Variants in AUTS2 observed in about 807,000 individuals in gnomAD.
AUTS2 encodes the protein autism susceptibility gene 2 protein.
Under a neutral mutation model 112.4 loss-of-function variants are expected in AUTS2, and 17 were observed. That is an observed-to-expected ratio of 0.15 (90% confidence interval 0.10 to 0.23). The LOEUF is 0.23. Ranked by LOEUF, AUTS2 falls within the 10% of genes least tolerant of loss-of-function variation. AUTS2 has a pLI of 1.00. For synonymous variants in AUTS2, 751 were observed against 702.7 expected (o/e 1.07, Z -1.09); for missense variants, 1,510 against 1,701.6 (o/e 0.89, Z 1.98).
At chr7:70,658,486 A>C (rs1168787533) in intron 5 of AUTS2, among the ~76,000 whole-genome samples, 1 of 152,182 alleles carries the variant, frequency 6.6e-6, no homozygotes, top group African/African-American at 2.4e-5. Context: ...CCGCTTTGAA[A>C]CCAGAGCCAG....
intron 4 of AUTS2, among the ~76,000 whole-genome samples, chr7:70,262,038 G>C (rs993243918): frequency 6.6e-6 from 1 of 152,056 alleles, no homozygotes; most frequent in Non-Finnish European, 1.5e-5. Context: ...TTAAGATGTA[G>C]TAATTTGATT....
intron 1 of AUTS2, among the ~76,000 whole-genome samples, chr7:69,672,005 G>T (rs1796350356): frequency 6.6e-6 from 1 of 152,034 alleles, no homozygotes; most frequent in African/African-American, 2.4e-5. Context: ...TTGAGGGGGG[G>T]TCCCATATTC....
intron 2 of AUTS2, among the ~76,000 whole-genome samples, chr7:70,037,988 C>G (rs904699347): frequency 8.5e-6 from 1 of 117,934 alleles, no homozygotes; most frequent in Non-Finnish European, 1.6e-5. Flanking sequence ...ACCTTGATTT[C>G]ATTTACACAA....
chr7:69,619,481 CT>C (rs1449029189), intron 1 of AUTS2, among the ~76,000 whole-genome samples: 4 of 152,102 alleles, frequency 2.6e-5, no homozygotes, highest in Non-Finnish European at 5.9e-5. Context: ...AGTTGAGGGC[CT>C]TTTTGGTCTA....
At chr7:70,317,315 A>G (rs1043732652) in intron 4 of AUTS2, among the ~76,000 whole-genome samples, 14 of 152,170 alleles carry the variant, frequency 9.2e-5, no homozygotes, top group African/African-American at 3.1e-4. Context: ...GTGAATCTTA[A>G]TGAATTTGTC....
intron 3 of AUTS2, among the ~76,000 whole-genome samples, chr7:70,123,369 T>A (rs1285393483): frequency 3.3e-5 from 5 of 152,214 alleles, no homozygotes; most frequent in Admixed American, 3.3e-4. Context: ...GGTAAACTCA[T>A]GTCACAGAGG....
intron 6 of AUTS2, among the ~76,000 whole-genome samples, chr7:70,751,638 T>C (rs1375241128): frequency 6.6e-6 from 1 of 152,182 alleles, no homozygotes; most frequent in Non-Finnish European, 1.5e-5. Context: ...TACATGTTTG[T>C]TTGAAAATCC....
At chr7:70,612,278 T>C (rs1804132911) in intron 5 of AUTS2, among the ~76,000 whole-genome samples, 2 of 152,216 alleles carry the variant, frequency 1.3e-5, no homozygotes, top group South Asian at 4.1e-4. Context: ...AATTTTTTTT[T>C]AGTTAATGCA....
chr7:70,575,462 C>T (rs4718965), intron 5 of AUTS2, among the ~76,000 whole-genome samples: 135,129 of 152,118 alleles, frequency 0.89, 60,078 homozygotes, highest in East Asian at 1. Context: ...AGCCAGCTAA[C>T]GAATGATTCC....
At chr7:70,237,058 T>C (rs1223526932) in intron 4 of AUTS2, among the ~76,000 whole-genome samples, 1 of 152,208 alleles carries the variant, frequency 6.6e-6, no homozygotes, top group Non-Finnish European at 1.5e-5. Context: ...AGCCCCTTTG[T>C]TATTTAGATA....
intron 2 of AUTS2, among the ~76,000 whole-genome samples, chr7:70,034,872 A>G (rs1175112044): frequency 3.9e-5 from 6 of 152,172 alleles, no homozygotes; most frequent in African/African-American, 7.2e-5. Context: ...TCACTCTATC[A>G]TCAGGCTGGA....
chr7:69,893,486 G>A (rs1166809293), intron 1 of AUTS2, among the ~76,000 whole-genome samples: 1 of 152,178 alleles, frequency 6.6e-6, no homozygotes. Flanking sequence ...CAGCCATTAT[G>A]TCATTGTGTC....
intron 4 of AUTS2, among the ~76,000 whole-genome samples, chr7:70,190,682 A>G (rs900394019): frequency 2.0e-5 from 3 of 152,166 alleles, no homozygotes; most frequent in Non-Finnish European, 2.9e-5. Context: ...CAGGTTGCCA[A>G]TTGCATTACT....
rs763907536 is a variant in AUTS2, at chr7:70,787,270, C to G, written c.2370C>G (p.His790Gln). 3.1e-6 allele frequency: 5 copies of G among 1,614,114 alleles called. No individual in the cohort carries two copies. The highest frequency in any genetic ancestry group is 4.2e-6 in the Non-Finnish European group (5 of 1,180,052). ...GTGTGCAGAACTTTAGCAACCCTCA[C>G]GAACCCTGGAACCGGCTGCACCGAA... ...GPSVQNFSNP[H>Q]EPWNRLHRTP... Residue 790 changes from histidine to glutamine, a missense_variant, in exon 18 of 19, where the codon CAC becomes CAG. His to Gln is a conservative substitution (Grantham distance 24). Transcript: ENST00000342771.
chr7:69,965,790 G>A (rs896185473), intron 2 of AUTS2, among the ~76,000 whole-genome samples: 1 of 151,986 alleles, frequency 6.6e-6, no homozygotes, highest in African/African-American at 2.4e-5. Context: ...TCCTCACTTG[G>A]TTACTAACTG....
At position 70,611,757 on chromosome 7, in the gene AUTS2, A is replaced by G. The variant is rs191405214; in HGVS notation, c.691-86812A>G. ...AGGTATGAAGCACAGAGGAATGAAA[A>G]TCTCACACTCACTCACTAGAATGTA... On this transcript the variant is annotated intron_variant, in intron 5 of 18. Transcript: ENST00000342771. Among the ~76,000 whole-genome samples, 3 of 152,332 alleles carry G rather than the reference A, an allele frequency of 2.0e-5. No individual in the cohort carries two copies. The East Asian group carries it at 5.8e-4, about 29-fold the overall frequency.
At chr7:70,407,110 A>G (rs1794569564) in intron 4 of AUTS2, among the ~76,000 whole-genome samples, 3 of 152,212 alleles carry the variant, frequency 2.0e-5, no homozygotes, top group African/African-American at 7.2e-5. Flanking sequence ...ATGCAGAGGA[A>G]AGCTGACATT....
chr7:69,721,988 G>T (rs1307091753), intron 1 of AUTS2, among the ~76,000 whole-genome samples: 1 of 151,792 alleles, frequency 6.6e-6, no homozygotes, highest in African/African-American at 2.4e-5. Flanking sequence ...ATAGGCGTTT[G>T]GACCTTGTCT....
In AUTS2 at chr7:70,384,344, G is replaced by A. The variant is rs897370920; in HGVS notation, c.661-51408G>A. Among the ~76,000 whole-genome samples the A allele has an allele frequency of 1.6e-4, 24 of 152,240 alleles. 1 individual carries two copies. The highest frequency in any genetic ancestry group is 3.2e-3 in the Middle Eastern group (1 of 316). ...AACATACATCATGCAGGCCCATTATGCCAGCATAAATCCATGGTAACCTGT... is the reference window on the plus strand; with the variant it reads ...AACATACATCATGCAGGCCCATTATACCAGCATAAATCCATGGTAACCTGT... On this transcript the variant is annotated intron_variant, in intron 4 of 18. Coordinates refer to ENST00000342771, the MANE Select transcript of AUTS2 (RefSeq NM_015570.4).
Sources: allele counts gnomAD v4.1 joint callset (sites outside exome capture counted in the v4.1 genomes callset), GRCh38; gene constraint gnomAD v4.1.1; transcripts MANE v1.5; gene names NCBI Gene and HGNC (gene_info 2026-07-23, HGNC 2026-07-21).